NWD1: variants seen among roughly 807,000 people sequenced by gnomAD.
NWD1 encodes NACHT and WD repeat domain containing 1.
Under a neutral mutation model 135.1 loss-of-function variants are expected in NWD1, and 129 were observed. That is an observed-to-expected ratio of 0.96 (90% confidence interval 0.83 to 1.11). NWD1 has a LOEUF of 1.11. NWD1 is among the 50% of genes least tolerant of loss of function. The pLI is 0.00. For synonymous variants in NWD1, 773 were observed against 786.0 expected (o/e 0.98, Z 0.28); for missense variants, 1,740 against 1,851.3 (o/e 0.94, Z 1.10).
intron 8 of NWD1, among the ~76,000 whole-genome samples, chr19:16,763,149 G>A (rs1256537757): frequency 6.6e-6 from 1 of 150,730 alleles, no homozygotes; most frequent in East Asian, 2.0e-4. Flanking sequence ...TTTCCTGTGT[G>A]CCCAGAGTCC....
Position 16,808,103 on chromosome 19 carries a change from G to C in NWD1, c.4254G>C (p.Gln1418His), listed in dbSNP as rs773558577. Reference sequence around the variant, plus strand: ...CCCTGCTGTGTCTCTGGGACCTGCAGGCACGCAAGTGGAAATTCGAGATGA... The same window carrying C: ...CCCTGCTGTGTCTCTGGGACCTGCACGCACGCAAGTGGAAATTCGAGATGA... ...EDALLCLWDL[Q>H]ARKWKFEMSY... Residue 1418 changes from glutamine to histidine, a missense_variant, in exon 18 of 19, where the codon CAG becomes CAC. Gln to His is a conservative substitution (Grantham distance 24, BLOSUM62 0). Coordinates refer to ENST00000524140, the MANE Select transcript of NWD1 (RefSeq NM_001007525.5). 3.1e-5 allele frequency: 50 copies of C among 1,614,032 alleles called. 1 individual carries two copies. In the South Asian group the frequency reaches 5.2e-4, roughly 17 times the overall value.
At chr19:16,751,575 T>A (rs927201903) in intron 6 of NWD1, among the ~76,000 whole-genome samples, 1 of 149,180 alleles carries the variant, frequency 6.7e-6, no homozygotes, top group South Asian at 2.1e-4. Flanking sequence ...CCAAGGCAGG[T>A]GGATCACTTG....
chr19:16,795,195 C>G (rs568876281), intron 15 of NWD1, among the ~76,000 whole-genome samples: 5 of 152,188 alleles, frequency 3.3e-5, no homozygotes, highest in Non-Finnish European at 7.4e-5. Flanking sequence ...GCCCAGCCCG[C>G]GGCTCCCATG....
At chr19:16,768,601 T>TAAATTAACAA (rs61675065) in intron 10 of NWD1, among the ~76,000 whole-genome samples, 1 of 152,202 alleles carries the variant, frequency 6.6e-6, no homozygotes, top group Non-Finnish European at 1.5e-5. Context: ...GCCTGTGAAT[T>TAAATTAACAA]AAGACAGCTT....
rs1342237342 is a variant in NWD1, at chr19:16,744,699, G to A, written c.477G>A (p.Trp159Ter). 6 of 1,535,868 alleles carry A rather than the reference G, an allele frequency of 3.9e-6. No individual in the cohort carries two copies. Among genetic ancestry groups the A allele is most frequent in the Admixed American group, 2.0e-5 (1 of 50,950 alleles). ...TGGGGCTCATCACCCAGGAGCAGTG[G>A]CAGCACTACCACCGGTCAGGTGAGG... is the stretch of plus-strand genomic sequence containing the variant. ...RRLGLITQEQ[W>*]QHYHRSVIEW... The change falls in exon 5 of 19, where the codon TGG becomes TGA. Residue 159 changes from tryptophan to a stop codon, truncating the protein, a stop_gained. Coordinates refer to ENST00000524140, the MANE Select transcript of NWD1 (RefSeq NM_001007525.5). LOFTEE classifies it high-confidence loss of function.
intron 6 of NWD1, among the ~76,000 whole-genome samples, chr19:16,755,261 A>C (rs546280951): frequency 6.6e-6 from 1 of 152,110 alleles, no homozygotes; most frequent in South Asian, 2.1e-4. Flanking sequence ...CTTGACCCAG[A>C]CTGGAGTGCA....
rs1970800583 is a variant in NWD1 at position 16,807,847 on chromosome 19, G to A, written c.3998G>A (p.Cys1333Tyr). The A allele has an allele frequency of 1.9e-6, 3 of 1,614,162 alleles. No homozygotes were observed. Among genetic ancestry groups the A allele is most frequent in the Non-Finnish European group, 8.5e-7 (1 of 1,180,030 alleles). ...LVLDITSGDP[C>Y]PVIDGPRYTF... ...CTGGACATCACCTCCGGGGACCCCT[G>A]CCCGGTCATCGATGGGCCAAGATAC... The change falls in exon 18 of 19, where the codon TGC (cysteine) becomes TAC (tyrosine). Residue 1333 changes from cysteine (C) to tyrosine (Y), a missense_variant. By Grantham distance (194) the Cys-to-Tyr change is radical (BLOSUM62 -2). Transcript: ENST00000524140.
chr19:16,744,181 G>C (rs1282698436), intron 4 of NWD1, among the ~76,000 whole-genome samples: 1 of 152,080 alleles, frequency 6.6e-6, no homozygotes, highest in Non-Finnish European at 1.5e-5. Context: ...TTGAGTACAG[G>C]AGTTCAATAC....
chr19:16,771,394 G>A (rs563180954), intron 10 of NWD1, among the ~76,000 whole-genome samples: 7 of 152,280 alleles, frequency 4.6e-5, no homozygotes, highest in Admixed American at 3.3e-4. Flanking sequence ...ATGTTGCGGT[G>A]AGCCGAGATC....
chr19:16,733,294 G>A (rs1967655758), intron 3 of NWD1, among the ~76,000 whole-genome samples: 1 of 151,960 alleles, frequency 6.6e-6, no homozygotes, highest in African/African-American at 2.4e-5. Context: ...GCCAAGGCGG[G>A]TAGATCACCT....
chr19:16,730,254 A>G (rs34349415), intron 2 of NWD1, among the ~76,000 whole-genome samples: 46,232 of 151,708 alleles, frequency 0.3, 7,878 homozygotes, highest in African/African-American at 0.43. Context: ...CCCAGGAGGC[A>G]GAGGTTGCAG....
rs1469628602 is a variant in NWD1, at chr19:16,808,094, G to A, written c.4245G>A (p.Trp1415Ter). 6.2e-7 allele frequency: 1 copy of A among 1,613,918 alleles called. No individual in the cohort carries two copies. The highest frequency in any genetic ancestry group is 8.5e-7 in the Non-Finnish European group (1 of 1,180,022). The change falls in exon 18 of 19, where the codon TGG becomes TGA. Residue 1415 changes from tryptophan to a stop codon, truncating the protein, a stop_gained. Transcript: ENST00000524140. LOFTEE classifies it high-confidence loss of function. The stretch of plus-strand genomic sequence containing the variant: ...CTGAGGATGCCCTGCTGTGTCTCTG[G>A]GACCTGCAGGCACGCAAGTGGAAAT... ...SGSEDALLCLWDLQARKWKFE... is the reference protein window; with the variant it reads ...SGSEDALLCL
At chr19:16,767,954 C>T (rs1969284706) in intron 10 of NWD1, among the ~76,000 whole-genome samples, 1 of 148,414 alleles carries the variant, frequency 6.7e-6, no homozygotes, top group South Asian at 2.1e-4. Flanking sequence ...GTTTCATCCA[C>T]ATTGTAGCAT....
Position 16,794,519 on chromosome 19 carries a change from G to T in NWD1, c.3270G>T (p.Leu1090=). 1 of 1,611,354 alleles carries T rather than the reference G, an allele frequency of 6.2e-7. No individual in the cohort carries two copies. The highest frequency in any genetic ancestry group is 1.1e-5 in the South Asian group (1 of 90,412). The change falls in exon 15 of 19, where the codon CTG becomes CTT. Residue 1090 remains leucine, a synonymous_variant. Transcript: ENST00000524140. ...LEKLPDAVRF[L]VVSEDESLLA... is the part of the protein sequence containing the mutation. ...AGCTTCCAGATGCTGTGAGGTTCCTGGTGGTCTCTGAAGATGAGTCCCTCC... is the reference window on the plus strand; with the variant it reads ...AGCTTCCAGATGCTGTGAGGTTCCTTGTGGTCTCTGAAGATGAGTCCCTCC...
intron 2 of NWD1, 104 bp from the exon 3 acceptor site, chr19:16,731,087 AG>A: frequency 3.2e-6 from 2 of 625,846 alleles, no homozygotes; most frequent in South Asian, 4.0e-5. Flanking sequence ...TCCACAAAAA[AG>A]GGGAAAAAAG....
chr19:16,744,837 C>T, intron 5 of NWD1, 119 bp downstream of exon 5: 1 of 817,668 alleles, frequency 1.2e-6, no homozygotes, highest in Admixed American at 2.0e-5. Context: ...CCAAACCAGT[C>T]AACCTCTGGT....
intron 4 of NWD1, among the ~76,000 whole-genome samples, chr19:16,741,623 C>A (rs1435254745): frequency 6.6e-6 from 1 of 151,854 alleles, no homozygotes; most frequent in Non-Finnish European, 1.5e-5. Context: ...CCTGCCTCGG[C>A]CTCCCAAAGT....
intron 2 of NWD1, among the ~76,000 whole-genome samples, chr19:16,730,878 G>T (rs1967529122): frequency 1.3e-5 from 2 of 150,200 alleles, no homozygotes; most frequent in South Asian, 4.2e-4. Flanking sequence ...TAAAATAACT[G>T]CCTATTGCGA....
intron 10 of NWD1, among the ~76,000 whole-genome samples, chr19:16,767,614 C>T (rs1969272252): frequency 6.6e-6 from 1 of 151,772 alleles, no homozygotes; most frequent in Non-Finnish European, 1.5e-5. Flanking sequence ...ACTGTGTCTC[C>T]AATAAAACCC....
Sources: gnomAD v4.1 joint callset for allele counts (sites outside exome capture counted in the v4.1 genomes callset) on GRCh38, gnomAD v4.1.1 for gene constraint, MANE v1.5 for transcripts, NCBI Gene and HGNC (gene_info 2026-07-23, HGNC 2026-07-21) for gene names.